The following HDX variants were observed in gnomAD, a reference collection of about 807,000 sequenced individuals.
The protein encoded by HDX is chromosome X open reading frame 43.
HDX carries 19 observed loss-of-function variants against 45.2 expected under a neutral mutation model. The ratio of observed to expected loss-of-function variants is 0.42; its 90% CI spans 0.29 to 0.62. HDX has a LOEUF of 0.62. Ranked by LOEUF, HDX falls within the 20% of genes least tolerant of loss-of-function variation. The probability of loss-of-function intolerance (pLI) is 0.20; values close to 1 mark genes in which losing one functional copy is unlikely to be tolerated. For missense variants in HDX, 532 were observed against 493.9 expected, an observed-to-expected ratio of 1.08 and a Z score of -0.73; for synonymous variants, 188 against 172.8, an observed-to-expected ratio of 1.09 and a Z score of -0.69.
chrX:84,469,590 C>A lies in HDX; in HGVS notation c.148-15G>T. 1 of 1,121,905 alleles carries A rather than the reference C, an allele frequency of 8.9e-7. No individual in the cohort carries two copies. Among genetic ancestry groups the A allele is most frequent in the Non-Finnish European group, 1.2e-6 (1 of 851,291 alleles). The allele number at this position is 1,121,905 out of a possible 1,213,427, so 92.5% of individuals were successfully genotyped here. A position where few individuals can be genotyped will look rare whatever the true frequency, so the allele number is the denominator to read the frequency against. On this transcript the variant is annotated splice_polypyrimidine_tract_variant and intron_variant, in intron 3 of 10. Coordinates refer to ENST00000373177, the MANE Select transcript of HDX (RefSeq NM_001177479.2). ...CCAACCCACGTCTGGAAGGATAAAA[C>A]ATGGTATTATGAAAAAAAAATTAAA...
rs1244069243 is a variant in HDX, at chrX:84,502,389, G to A, written c.-157C>T. The A allele has an allele frequency of 8.9e-6, 1 of 111,762 alleles. No individual in the cohort carries two copies. The highest frequency in any genetic ancestry group is 1.9e-5 in the Non-Finnish European group (1 of 53,184). 9.2% of individuals were successfully genotyped at this position (111,762 alleles called of 1,213,427 possible). On this transcript the variant is annotated 5_prime_UTR_variant, in exon 1 of 11. Coordinates refer to ENST00000373177, the MANE Select transcript of HDX (RefSeq NM_001177479.2). ...AAGGAATCAGCGGAACCCAGATCAG[G>A]CCGCTGCTGGGGCAGGCGGATTCAG...
At chrX:84,456,122 C>G (rs1457687830) in intron 4 of HDX, among the ~76,000 whole-genome samples, 1 of 111,831 alleles carries the variant, frequency 8.9e-6, no homozygotes, top group African/African-American at 3.2e-5. Context: ...AATAAGAAAT[C>G]ATCTGATGGT....
chrX:84,388,182 G>T (rs55719627), intron 5 of HDX, among the ~76,000 whole-genome samples: 12,007 of 110,779 alleles, frequency 0.11, 626 homozygotes, highest in East Asian at 0.26. Flanking sequence ...TTAGCTTGAT[G>T]GTGTTCCTTC....
At chrX:84,449,182 T>C (rs2039942851) in intron 4 of HDX, among the ~76,000 whole-genome samples, 1 of 110,312 alleles carries the variant, frequency 9.1e-6, no homozygotes, top group Non-Finnish European at 1.9e-5. Flanking sequence ...AGTGTCCAAA[T>C]ATTTAATTTT....
chrX:84,366,490 T>A, intron 5 of HDX, among the ~76,000 whole-genome samples: 1 of 111,760 alleles, frequency 8.9e-6, no homozygotes, highest in Non-Finnish European at 1.9e-5. Flanking sequence ...TACTTTAAAT[T>A]GCATATGGAA....
At chrX:84,466,832 C>G (rs1447886201) in intron 4 of HDX, among the ~76,000 whole-genome samples, 1 of 111,444 alleles carries the variant, frequency 9.0e-6, no homozygotes, top group African/African-American at 3.3e-5. Flanking sequence ...CTATGTAATC[C>G]TAGGCAAGCA....
chrX:84,477,126 T>C (rs150320571), intron 2 of HDX, among the ~76,000 whole-genome samples: 1,144 of 111,591 alleles, frequency 0.01, 23 homozygotes, highest in African/African-American at 0.036. Context: ...ATGGTTCAGC[T>C]GCAGTCAGGA....
chrX:84,387,770 C>T (rs1210512165), intron 5 of HDX, among the ~76,000 whole-genome samples: 1 of 111,584 alleles, frequency 9.0e-6, no homozygotes, highest in Non-Finnish European at 1.9e-5. Context: ...TTTTATCCAG[C>T]GTGCAACTCT....
intron 6 of HDX, among the ~76,000 whole-genome samples, chrX:84,348,441 C>G (rs1298995616): frequency 8.9e-6 from 1 of 112,006 alleles, no homozygotes; most frequent in African/African-American, 3.2e-5. Context: ...TCTGACGATT[C>G]TAACATCCCT....
chrX:84,349,942 T>G (rs953668037), intron 6 of HDX, among the ~76,000 whole-genome samples: 11 of 109,369 alleles, frequency 1.0e-4, no homozygotes, highest in African/African-American at 3.3e-4. Flanking sequence ...GGGTGAGGGT[T>G]GAAAAATCAC....
At chrX:84,395,008 A>G (rs181956154) in intron 5 of HDX, among the ~76,000 whole-genome samples, 1 of 111,217 alleles carries the variant, frequency 9.0e-6, no homozygotes, top group Non-Finnish European at 1.9e-5. Context: ...TATTATTGCT[A>G]TATCAGAGTT....
intron 2 of HDX, among the ~76,000 whole-genome samples, chrX:84,478,008 C>T (rs2040592002): frequency 8.9e-6 from 1 of 111,992 alleles, no homozygotes; most frequent in Non-Finnish European, 1.9e-5. Flanking sequence ...TTTGGTAAAT[C>T]ATTTAATTTC....
chrX:84,464,189 G>GA (rs1019787088), intron 4 of HDX, among the ~76,000 whole-genome samples: 11 of 111,257 alleles, frequency 9.9e-5, no homozygotes, highest in Non-Finnish European at 2.1e-4. Flanking sequence ...ACAAATAAAT[G>GA]AAAAAACATT....
At chrX:84,374,773 C>A (rs1183454872) in intron 5 of HDX, among the ~76,000 whole-genome samples, 1 of 106,108 alleles carries the variant, frequency 9.4e-6, no homozygotes, top group Non-Finnish European at 1.9e-5. Flanking sequence ...AAACGTTAGA[C>A]CTAAAACCAT....
Position 84,344,267 on chromosome X carries a change from G to C in HDX, c.1643C>G (p.Ser548Cys). 1 of 1,204,040 alleles carries C rather than the reference G, an allele frequency of 8.3e-7. No homozygotes were observed. Among genetic ancestry groups the C allele is most frequent in the African/African-American group, 1.7e-5 (1 of 57,472 alleles). The change falls in exon 7 of 11, where the codon TCT (serine) becomes TGT (cysteine). Residue 548 changes from serine (S) to cysteine (C), a missense_variant. Physicochemically the swap from Ser to Cys is moderately radical, Grantham distance 112. Transcript: ENST00000373177. ...TAAAGTACCTTGAGAGCTTCCTTCA[G>C]ACAAACAGATGGATACTTCATCATT... ...DRNDEVSICL[S>C]EGSSQEEPNE... is the part of the protein sequence containing the mutation.
In HDX at chrX:84,361,557, C is replaced by T; in HGVS notation, c.1361G>A (p.Trp454Ter). ...GCCCAGGCTGGTCATGCCATTGTCC[C>T]AATACTTCTTAAGGGTGGCTAAGTC... Reference protein sequence around the residue: ...DRDLATLKKYWDNGMTSLGSV... With the variant: ...DRDLATLKKY Residue 454 changes from tryptophan (W) to a stop codon, truncating the protein, a stop_gained, in exon 6 of 11, where the codon TGG (tryptophan) becomes TAG (stop). Coordinates refer to ENST00000373177, the MANE Select transcript of HDX (RefSeq NM_001177479.2). LOFTEE classifies it high-confidence loss of function. The T allele has an allele frequency of 8.3e-7, 1 of 1,203,305 alleles. No individual in the cohort carries two copies. Among genetic ancestry groups the T allele is most frequent in the Non-Finnish European group, 1.1e-6 (1 of 889,197 alleles).
At chrX:84,496,396 G>A (rs978226800) in intron 1 of HDX, among the ~76,000 whole-genome samples, 1 of 110,220 alleles carries the variant, frequency 9.1e-6, no homozygotes, top group Admixed American at 9.8e-5. Flanking sequence ...GTAACTGGGA[G>A]GTCTTGTTAA....
At chrX:84,354,893 G>A (rs908665882) in intron 6 of HDX, among the ~76,000 whole-genome samples, 1 of 96,202 alleles carries the variant, frequency 1.0e-5, no homozygotes, top group African/African-American at 3.8e-5. Context: ...ATGTTAGATT[G>A]GGAATAAAGA....
chrX:84,450,930 A>G (rs757538156), intron 4 of HDX, among the ~76,000 whole-genome samples: 1 of 112,045 alleles, frequency 8.9e-6, no homozygotes, highest in South Asian at 3.7e-4. Flanking sequence ...ATATTAAACA[A>G]CATGCTTCTG....
Sources: gnomAD v4.1 joint callset for allele counts (sites outside exome capture counted in the v4.1 genomes callset) on GRCh38, gnomAD v4.1.1 for gene constraint, MANE v1.5 for transcripts, NCBI Gene and HGNC (gene_info 2026-07-23, HGNC 2026-07-21) for gene names.